The following EPHA7 variants were observed in gnomAD, a reference collection of about 807,000 sequenced individuals.
EPHA7 encodes the protein EPH receptor A7, also known as ephrin type-A receptor 7.
EPHA7 carries 25 observed loss-of-function variants against 112.6 expected under a neutral mutation model. The ratio of observed to expected loss-of-function variants is 0.22; its 90% confidence interval spans 0.16 to 0.31. EPHA7 has a LOEUF of 0.31. Ranked by LOEUF, EPHA7 falls within the 10% of genes least tolerant of loss-of-function variation. The pLI is 1.00. For synonymous variants in EPHA7, 437 were observed against 406.5 expected (o/e 1.07, Z -0.90); for missense variants, 962 against 1,212.6 (o/e 0.79, Z 3.07).
At chr6:93,393,935 T>C (rs1285068397) in intron 3 of EPHA7, among the ~76,000 whole-genome samples, 1 of 151,850 alleles carries the variant, frequency 6.6e-6, no homozygotes, top group African/African-American at 2.4e-5. Flanking sequence ...TCCAGACAGC[T>C]TTTTCATAAA....
chr6:93,390,986 A>G (rs1777878477), intron 3 of EPHA7, among the ~76,000 whole-genome samples: 1 of 151,904 alleles, frequency 6.6e-6, no homozygotes, highest in Non-Finnish European at 1.5e-5. Context: ...GTTGTGTTTG[A>G]TCTACTCTCC....
intron 3 of EPHA7, among the ~76,000 whole-genome samples, chr6:93,391,693 TGACA>T (rs1213261068): frequency 4.0e-5 from 6 of 151,676 alleles, no homozygotes; most frequent in Admixed American, 4.0e-4. Context: ...TGAATACAAA[TGACA>T]GACAGAAAGG....
intron 3 of EPHA7, among the ~76,000 whole-genome samples, chr6:93,364,494 A>C (rs1309587185): frequency 3.4e-5 from 5 of 147,674 alleles, no homozygotes; most frequent in Admixed American, 7.0e-5. Flanking sequence ...ACTGCACTCC[A>C]TCCAGCGTGG....
intron 3 of EPHA7, among the ~76,000 whole-genome samples, chr6:93,380,455 C>T (rs994869641): frequency 3.3e-5 from 5 of 151,954 alleles, no homozygotes; most frequent in African/African-American, 7.2e-5. Flanking sequence ...TTAAGATGTC[C>T]GGAGAAAGAA....
chr6:93,253,155 C>T (rs979223031), intron 14 of EPHA7, among the ~76,000 whole-genome samples: 1 of 151,918 alleles, frequency 6.6e-6, no homozygotes, highest in African/African-American at 2.4e-5. Flanking sequence ...ATTTCTCTTT[C>T]TCTGCCCTAA....
At chr6:93,285,528 G>GA (rs1173419552) in intron 5 of EPHA7, among the ~76,000 whole-genome samples, 5 of 152,144 alleles carry the variant, frequency 3.3e-5, no homozygotes, top group Admixed American at 1.3e-4. Flanking sequence ...GCACAGATAA[G>GA]AAATCGAAAA....
chr6:93,265,117 T>G (rs191957288), intron 7 of EPHA7, among the ~76,000 whole-genome samples: 1 of 151,732 alleles, frequency 6.6e-6, no homozygotes, highest in East Asian at 1.9e-4. Context: ...ACCTCATGTA[T>G]TTTTGAAGTA....
intron 5 of EPHA7, among the ~76,000 whole-genome samples, chr6:93,349,756 C>T (rs1775594525): frequency 6.6e-6 from 1 of 151,632 alleles, no homozygotes; most frequent in Admixed American, 6.6e-5. Flanking sequence ...TAAAAATATA[C>T]AAATTTAAAT....
chr6:93,311,063 C>T (rs529556514), intron 5 of EPHA7, among the ~76,000 whole-genome samples: 41 of 150,112 alleles, frequency 2.7e-4, no homozygotes, highest in African/African-American at 9.9e-4. Flanking sequence ...GATCCTCCCA[C>T]ATCAGTCTCC....
chr6:93,245,653 A>G (rs1329451134), intron 15 of EPHA7, among the ~76,000 whole-genome samples, 200 bp from the exon 16 acceptor site: 1 of 152,238 alleles, frequency 6.6e-6, no homozygotes, highest in Non-Finnish European at 1.5e-5. Context: ...TTTACATTTT[A>G]TTTAGATATG....
intron 1 of EPHA7, among the ~76,000 whole-genome samples, chr6:93,418,884 G>C (rs1779381348): frequency 6.6e-6 from 1 of 152,222 alleles, no homozygotes; most frequent in Admixed American, 6.5e-5. Flanking sequence ...AGGAGACAAG[G>C]AAGACCGAGC....
chr6:93,388,262 T>G (rs1777727913), intron 3 of EPHA7, among the ~76,000 whole-genome samples: 1 of 152,170 alleles, frequency 6.6e-6, no homozygotes, highest in South Asian at 2.1e-4. Flanking sequence ...CATAAGGATA[T>G]TCATAATAGT....
intron 5 of EPHA7, among the ~76,000 whole-genome samples, chr6:93,328,378 T>A (rs1002670608): frequency 1.3e-5 from 2 of 151,528 alleles, no homozygotes; most frequent in Non-Finnish European, 3.0e-5. Context: ...TCTATAGCTT[T>A]TCCCAGCATC....
chr6:93,417,821 C>G (rs376109764), intron 1 of EPHA7, among the ~76,000 whole-genome samples: 98 of 152,158 alleles, frequency 6.4e-4, no homozygotes, highest in African/African-American at 2.3e-3. Context: ...ACGGGGTTCT[C>G]TGAATGGGTT....
intron 1 of EPHA7, among the ~76,000 whole-genome samples, 181 bp from the exon 2 acceptor site, chr6:93,414,948 GA>G (rs1779153700): frequency 6.6e-6 from 1 of 151,784 alleles, no homozygotes; most frequent in Non-Finnish European, 1.5e-5. Flanking sequence ...TTCCTTAAAG[GA>G]AAAAAGATAT....
chr6:93,419,399 T>C lies in EPHA7; in HGVS notation c.-58A>G. The C allele has an allele frequency of 7.0e-7, 1 of 1,422,608 alleles. No individual in the cohort carries two copies. Among genetic ancestry groups the C allele is most frequent in the Non-Finnish European group, 9.9e-7 (1 of 1,011,694 alleles). The allele number at this position is 1,422,608 out of a possible 1,614,324, so 88.1% of individuals were successfully genotyped here. On this transcript the variant is annotated 5_prime_UTR_variant, in exon 1 of 17. Transcript: ENST00000369303. ...TTATCTTGAGTCGTGGATTTTTAAA[T>C]GCTGTTTGTTCCGAAGTAGCTTTTG...
intron 5 of EPHA7, among the ~76,000 whole-genome samples, chr6:93,274,621 ATTTC>A (rs1254512837): frequency 6.6e-6 from 1 of 151,764 alleles, no homozygotes; most frequent in Non-Finnish European, 1.5e-5. Flanking sequence ...ATTCTTCTAT[ATTTC>A]TTTCTTTTTT....
chr6:93,304,040 C>T (rs1467372453), intron 5 of EPHA7, among the ~76,000 whole-genome samples: 1 of 151,948 alleles, frequency 6.6e-6, no homozygotes, highest in African/African-American at 2.4e-5. Context: ...TCACTGCACT[C>T]AAACGAAGAG....
chr6:93,313,307 C>T (rs956944653), intron 5 of EPHA7, among the ~76,000 whole-genome samples: 1 of 151,986 alleles, frequency 6.6e-6, no homozygotes, highest in Non-Finnish European at 1.5e-5. Context: ...AAAAAGATTT[C>T]ATTTCATGAG....
Sources: allele counts gnomAD v4.1 joint callset (sites outside exome capture counted in the v4.1 genomes callset), GRCh38; gene constraint gnomAD v4.1.1; transcripts MANE v1.5; gene names NCBI Gene and HGNC (gene_info 2026-07-23, HGNC 2026-07-21).